Variants in STK3 observed in about 807,000 individuals in gnomAD.
The protein encoded by STK3 is serine/threonine kinase 3.
A neutral mutation model predicts 58.0 loss-of-function variants in STK3; 41 were observed. That is an observed-to-expected ratio of 0.71 (90% confidence interval 0.55 to 0.92). The LOEUF is 0.92. STK3 is among the 40% of genes least tolerant of loss of function. The probability of loss-of-function intolerance (pLI) is 0.00; values close to 1 mark genes in which losing one functional copy is unlikely to be tolerated. For synonymous variants in STK3, 170 were observed against 191.0 expected, an observed-to-expected ratio of 0.89 and a Z score of 0.91; for missense variants, 479 against 602.7, an observed-to-expected ratio of 0.79 and a Z score of 2.15.
At position 98,617,490 on chromosome 8, in the gene STK3, C is replaced by T. The variant is rs1288315280; in HGVS notation, c.685-21321G>A. On this transcript the variant is annotated intron_variant, in intron 6 of 10. Transcript: ENST00000419617. ...AGCAGAACTGAAGGAAATAGAGACA[C>T]AAAAAACCCTTCAAAAAATCAATGA... Among the ~76,000 whole-genome samples the T allele has an allele frequency of 3.5e-5, 5 of 144,464 alleles. No individual in the cohort carries two copies. The East Asian group carries it at 1.0e-3, about 29-fold the overall frequency. The allele number at this position is 144,464 out of a possible 152,430, so 94.8% of individuals were successfully genotyped here. A position where few individuals can be genotyped will look rare whatever the true frequency, so the allele number is the denominator to read the frequency against.
intron 6 of STK3, among the ~76,000 whole-genome samples, chr8:98,619,310 C>T (rs1196871600): frequency 2.0e-5 from 3 of 151,380 alleles, no homozygotes; most frequent in Non-Finnish European, 4.4e-5. Context: ...ATACAAAAAT[C>T]AATTCAAGAT....
chr8:98,833,705 C>G (rs756941270), intron 3 of STK3, among the ~76,000 whole-genome samples: 1 of 152,134 alleles, frequency 6.6e-6, no homozygotes, highest in Non-Finnish European at 1.5e-5. Flanking sequence ...TAACACTGGT[C>G]AGTTGTGCCT....
intron 6 of STK3, among the ~76,000 whole-genome samples, chr8:98,679,695 T>C (rs1202739850): frequency 6.6e-6 from 1 of 152,210 alleles, no homozygotes; most frequent in Admixed American, 6.5e-5. Context: ...GATAAATGCA[T>C]TCCAGTGAAT....
At chr8:98,502,062 G>C (rs1173679868) in intron 10 of STK3, among the ~76,000 whole-genome samples, 1 of 152,158 alleles carries the variant, frequency 6.6e-6, no homozygotes, top group Non-Finnish European at 1.5e-5. Context: ...CCATTTGTTT[G>C]TGTCCTCTTT....
chr8:98,650,646 C>A (rs1477806036), intron 6 of STK3, among the ~76,000 whole-genome samples: 1 of 152,234 alleles, frequency 6.6e-6, no homozygotes, highest in Non-Finnish European at 1.5e-5. Flanking sequence ...TAATACTGTG[C>A]TTTTCCGACG....
At chr8:98,765,355 C>T (rs1830876062) in intron 3 of STK3, among the ~76,000 whole-genome samples, 1 of 151,966 alleles carries the variant, frequency 6.6e-6, no homozygotes, top group South Asian at 2.1e-4. Context: ...TAAAGAAAAG[C>T]AAAATTGAAC....
chr8:98,920,026 A>G (rs915410889), intron 1 of STK3, among the ~76,000 whole-genome samples: 4 of 152,228 alleles, frequency 2.6e-5, no homozygotes, highest in African/African-American at 7.2e-5. Context: ...TGCATAAAAG[A>G]AAGCTAATAT....
chr8:98,585,570 G>A (rs1182976587), intron 7 of STK3, among the ~76,000 whole-genome samples: 1 of 148,346 alleles, frequency 6.7e-6, no homozygotes, highest in Non-Finnish European at 1.5e-5. Flanking sequence ...GATTGACTTG[G>A]CGATGCGGGC....
chr8:98,663,288 C>T (rs1822100350), intron 6 of STK3, among the ~76,000 whole-genome samples: 1 of 152,168 alleles, frequency 6.6e-6, no homozygotes, highest in South Asian at 2.1e-4. Context: ...CATCACTGGC[C>T]ATCAGAGAAA....
At chr8:98,590,065 C>G (rs145014732) in intron 7 of STK3, among the ~76,000 whole-genome samples, 3 of 152,362 alleles carry the variant, frequency 2.0e-5, no homozygotes, top group South Asian at 2.1e-4. Flanking sequence ...TCTTCTGCGG[C>G]GCTCATGCTG....
intron 2 of STK3, among the ~76,000 whole-genome samples, chr8:98,770,355 A>G (rs1159985368): frequency 1.3e-5 from 2 of 152,236 alleles, no homozygotes; most frequent in Non-Finnish European, 2.9e-5. Flanking sequence ...AAAAGTTGCA[A>G]GATTTTGCCA....
chr8:98,806,259 A>G (rs1833877934), intron 1 of STK3, among the ~76,000 whole-genome samples: 1 of 152,216 alleles, frequency 6.6e-6, no homozygotes, highest in South Asian at 2.1e-4. Context: ...ACCTAAAGGA[A>G]CCTCAAAATG....
rs189480852 is a variant in STK3, at chr8:98,689,973, G to A, written c.684+16494C>T. On this transcript the variant is annotated intron_variant, in intron 6 of 10. Coordinates refer to ENST00000419617, the MANE Select transcript of STK3 (RefSeq NM_006281.4). Reference sequence around the variant, plus strand: ...TAATCATCTCAATAGACACAGAAAAGGCTTTTGACAAAATCCTATACTCCT... The same window carrying A: ...TAATCATCTCAATAGACACAGAAAAAGCTTTTGACAAAATCCTATACTCCT... 4.6e-5 allele frequency among the ~76,000 whole-genome samples: 7 copies of A among 152,096 alleles called. No homozygotes were observed. In the East Asian group the frequency reaches 1.4e-3, roughly 29 times the overall value.
intron 1 of STK3, among the ~76,000 whole-genome samples, chr8:98,896,833 G>C (rs961988056): frequency 1.1e-4 from 16 of 152,084 alleles, no homozygotes; most frequent in African/African-American, 3.6e-4. Flanking sequence ...ACAAAAATTA[G>C]CTGGGTGTGG....
At chr8:98,923,287 T>C (rs1839643430) in intron 1 of STK3, among the ~76,000 whole-genome samples, 2 of 152,226 alleles carry the variant, frequency 1.3e-5, no homozygotes, top group Non-Finnish European at 2.9e-5. Context: ...TATAATAAAG[T>C]TTCTTTTTTC....
At chr8:98,826,239 G>A (rs1835298187), upstream of STK3, among the ~76,000 whole-genome samples, 1 of 152,206 alleles carries the variant, frequency 6.6e-6, no homozygotes, top group Non-Finnish European at 1.5e-5. Flanking sequence ...TCCGTTTGAA[G>A]TATTACTTTC....
At chr8:98,588,269 CAGG>C (rs1324966920) in intron 7 of STK3, among the ~76,000 whole-genome samples, 1 of 151,988 alleles carries the variant, frequency 6.6e-6, no homozygotes, top group East Asian at 1.9e-4. Flanking sequence ...GCGCTTCCTT[CAGG>C]AGCTCTTTTA....
At chr8:98,672,195 C>A (rs1304772892) in intron 6 of STK3, among the ~76,000 whole-genome samples, 4 of 151,998 alleles carry the variant, frequency 2.6e-5, no homozygotes, top group Admixed American at 6.6e-5. Context: ...GATCCCCCAA[C>A]CTCAGCCTCC....
intron 10 of STK3, among the ~76,000 whole-genome samples, chr8:98,484,082 C>CTTAAAGACTTAATACTAAGTCTCTAAGTA (rs1822052144): frequency 7.0e-6 from 1 of 141,848 alleles, no homozygotes; most frequent in Non-Finnish European, 1.5e-5. Flanking sequence ...GCCACCATGA[C>CTTAAAGACTTAATACTAAGTCTCTAAGTA]TTAAAGACTT....
Sources: gnomAD v4.1 joint callset for allele counts (sites outside exome capture counted in the v4.1 genomes callset) on GRCh38, gnomAD v4.1.1 for gene constraint, MANE v1.5 for transcripts, NCBI Gene and HGNC (gene_info 2026-07-23, HGNC 2026-07-21) for gene names.